The following CSMD1 variants were observed in gnomAD, a reference collection of about 807,000 sequenced individuals.
CSMD1 encodes CUB and Sushi multiple domains 1, also known as CUB and sushi domain-containing protein 1.
CSMD1 carries 213 observed loss-of-function variants against 417.5 expected under a neutral mutation model. The ratio of observed to expected loss-of-function variants is 0.51; its 90% CI spans 0.46 to 0.57. CSMD1 has a LOEUF of 0.57. CSMD1 is among the 20% of genes least tolerant of loss of function. The probability of loss-of-function intolerance (pLI) is 0.00; values close to 1 mark genes in which losing one functional copy is unlikely to be tolerated. For synonymous variants in CSMD1, 2,862 were observed against 1,736.8 expected (o/e 1.65, Z -16.11); for missense variants, 6,923 against 4,529.7 (o/e 1.53, Z -15.17).
In CSMD1 at chr8:3,653,412, G is replaced by C. The variant is rs528957130; in HGVS notation, c.1010-36615C>G. On this transcript the variant is annotated intron_variant, in intron 7 of 69. Transcript: ENST00000635120. ...CAACCTCCGCCTCCTGGATTCAAACGATTGTCCTGCCTCAGCCTCCCCAGT... is the reference window on the plus strand; with the variant it reads ...CAACCTCCGCCTCCTGGATTCAAACCATTGTCCTGCCTCAGCCTCCCCAGT... Among the ~76,000 whole-genome samples, 67 of 152,150 alleles carry C rather than the reference G, an allele frequency of 4.4e-4. 1 individual carries two copies. The South Asian group carries it at 0.013, about 31-fold the overall frequency.
chr8:4,048,120 A>G (rs61039802), intron 3 of CSMD1, among the ~76,000 whole-genome samples: 5,819 of 152,108 alleles, frequency 0.038, 348 homozygotes, highest in African/African-American at 0.12. Flanking sequence ...ACTGATTTCT[A>G]AACATACTTG....
chr8:3,282,296 G>A (rs1383868975), intron 26 of CSMD1, among the ~76,000 whole-genome samples: 1 of 152,056 alleles, frequency 6.6e-6, no homozygotes, highest in Admixed American at 6.5e-5. Context: ...AGGAGGCTGT[G>A]TGCTGTGGAC....
chr8:3,957,302 T>G (rs898000019), intron 5 of CSMD1, among the ~76,000 whole-genome samples: 1 of 152,064 alleles, frequency 6.6e-6, no homozygotes, highest in Non-Finnish European at 1.5e-5. Flanking sequence ...CTCAGAAATA[T>G]TTTTTTAGTT....
At chr8:3,878,391 C>G (rs1048714621) in intron 5 of CSMD1, among the ~76,000 whole-genome samples, 1 of 152,130 alleles carries the variant, frequency 6.6e-6, no homozygotes, top group Admixed American at 6.6e-5. Flanking sequence ...GGATTTGCCT[C>G]TAAGAGTCTC....
chr8:3,736,253 T>C (rs940661832), intron 6 of CSMD1, among the ~76,000 whole-genome samples: 4 of 152,026 alleles, frequency 2.6e-5, no homozygotes, highest in South Asian at 4.1e-4. Flanking sequence ...TTTGTTTTGT[T>C]TTGTTTTTGA....
intron 8 of CSMD1, among the ~76,000 whole-genome samples, chr8:3,589,379 G>GGTGT (rs58729391): frequency 0.044 from 6,665 of 150,006 alleles, 381 homozygotes; most frequent in African/African-American, 0.14. Context: ...AAGAAAATGT[G>GGTGT]GTGTGTGTGT....
At chr8:3,135,619 G>A (rs111981990) in intron 41 of CSMD1, among the ~76,000 whole-genome samples, 7 of 147,602 alleles carry the variant, frequency 4.7e-5, no homozygotes, top group South Asian at 4.4e-4. Flanking sequence ...TTTAAAACAC[G>A]CTCTTGAGTG....
chr8:3,359,221 C>G lies in CSMD1; in HGVS notation c.3235G>C (p.Gly1079Arg). Residue 1079 changes from glycine (G) to arginine (R), a missense_variant, in exon 21 of 70, where the codon GGT becomes CGT. Physicochemically the swap from Gly to Arg is moderately radical, Grantham distance 125. Transcript: ENST00000635120. ...CCCAGGCAGGTAAGCTTGGTGGCACCTTCTAAACGATATCCCAGGAAGCAG... is the reference window on the plus strand; with the variant it reads ...CCCAGGCAGGTAAGCTTGGTGGCACGTTCTAAACGATATCCCAGGAAGCAG... ...FSCFLGYRLE[G>R]ATKLTCLGGG... 6.2e-7 allele frequency: 1 copy of G among 1,613,938 alleles called. No homozygotes were observed. The highest frequency in any genetic ancestry group is 8.5e-7 in the Non-Finnish European group (1 of 1,179,882).
intron 9 of CSMD1, among the ~76,000 whole-genome samples, chr8:3,581,117 A>T (rs1261371678): frequency 1.3e-5 from 2 of 152,206 alleles, no homozygotes; most frequent in East Asian, 3.9e-4. Context: ...ATTAGCATTA[A>T]AGAAGTTCTC....
intron 51 of CSMD1, among the ~76,000 whole-genome samples, chr8:3,023,820 A>T (rs1171540672): frequency 6.6e-6 from 1 of 151,638 alleles, no homozygotes; most frequent in African/African-American, 2.4e-5. Context: ...GAGATCTTAC[A>T]AGCAGGGCCA....
intron 11 of CSMD1, among the ~76,000 whole-genome samples, chr8:3,474,127 T>G (rs1330520417): frequency 6.6e-6 from 1 of 152,132 alleles, no homozygotes; most frequent in Non-Finnish European, 1.5e-5. Context: ...TCAATCAGGT[T>G]GGCATGCTCC....
intron 1 of CSMD1, among the ~76,000 whole-genome samples, chr8:4,778,325 A>T (rs962949397): frequency 3.3e-5 from 5 of 152,314 alleles, no homozygotes; most frequent in African/African-American, 9.6e-5. Flanking sequence ...ATGATACCAT[A>T]TGTGGCCTAT....
chr8:4,362,029 G>A (rs7814853), intron 3 of CSMD1, among the ~76,000 whole-genome samples: 54,903 of 151,618 alleles, frequency 0.36, 11,416 homozygotes, highest in African/African-American at 0.58. Flanking sequence ...GCAAGACAAG[G>A]ATTAGAGGTA....
At chr8:4,562,211 G>C (rs1798373401) in intron 2 of CSMD1, among the ~76,000 whole-genome samples, 1 of 152,070 alleles carries the variant, frequency 6.6e-6, no homozygotes, top group Admixed American at 6.5e-5. Flanking sequence ...CTTGAGCCAA[G>C]TCCTGGAAGA....
chr8:3,197,786 T>C (rs1010991493), intron 33 of CSMD1, among the ~76,000 whole-genome samples: 4 of 152,220 alleles, frequency 2.6e-5, no homozygotes, highest in Admixed American at 2.6e-4. Context: ...TAGGCTTCAA[T>C]GGAACTACTG....
chr8:4,599,591 T>C (rs1309650510), intron 2 of CSMD1, among the ~76,000 whole-genome samples: 1 of 152,090 alleles, frequency 6.6e-6, no homozygotes, highest in African/African-American at 2.4e-5. Context: ...CGAATATAAA[T>C]GTATACTGTA....
At chr8:3,744,493 A>T (rs987669574) in intron 6 of CSMD1, among the ~76,000 whole-genome samples, 5 of 12,020 alleles carry the variant, frequency 4.2e-4, no homozygotes, top group African/African-American at 5.0e-4. Flanking sequence ...TTTTGGAGGC[A>T]AAAATAAATA....
intron 3 of CSMD1, among the ~76,000 whole-genome samples, chr8:4,159,352 T>G (rs1264226035): frequency 6.6e-6 from 1 of 152,210 alleles, no homozygotes; most frequent in Non-Finnish European, 1.5e-5. Context: ...AGGAAATATT[T>G]TTATTTGTGA....
chr8:4,319,097 C>T lies in CSMD1; in HGVS notation c.415+100856G>A, dbSNP rs148720639. Among the ~76,000 whole-genome samples the T allele has an allele frequency of 7.7e-3, 1,178 of 152,176 alleles. 16 individuals carry two copies. The highest frequency in any genetic ancestry group is 0.027 in the African/African-American group (1,131 of 41,496). ...TTAGTAGTCCTCACATATACATGCA[C>T]ATAGTAACAAAGTAAGGAGGATTTT... On this transcript the variant is annotated intron_variant, in intron 3 of 69. Transcript: ENST00000635120.
Sources: allele counts gnomAD v4.1 joint callset (sites outside exome capture counted in the v4.1 genomes callset), GRCh38; gene constraint gnomAD v4.1.1; transcripts MANE v1.5; gene names NCBI Gene and HGNC (gene_info 2026-07-23, HGNC 2026-07-21).